The following PTP4A1 variants were observed in gnomAD, a reference collection of about 807,000 sequenced individuals.
PTP4A1 encodes the protein protein tyrosine phosphatase type IVA 1.
A neutral mutation model predicts 20.5 loss-of-function variants in PTP4A1; 9 were observed. The ratio of observed to expected loss-of-function variants is 0.44; its 90% confidence interval spans 0.26 to 0.77. The LOEUF (loss-of-function observed/expected upper bound fraction) is 0.77. PTP4A1 is among the 30% of genes least tolerant of loss of function. The pLI is 0.19. For synonymous variants in PTP4A1, 78 were observed against 67.4 expected (o/e 1.16, Z -0.77); for missense variants, 137 against 218.8 (o/e 0.63, Z 2.36).
chr6:63,545,245 G>A (rs538087692), intron 2 of PTP4A1, among the ~76,000 whole-genome samples: 5 of 152,298 alleles, frequency 3.3e-5, no homozygotes, highest in African/African-American at 1.2e-4. Flanking sequence ...AGATTTTGGT[G>A]TCCTTTTCAT....
At chr6:63,518,121 T>C (rs1302837713), upstream of PTP4A1, among the ~76,000 whole-genome samples, 4 of 130,914 alleles carry the variant, frequency 3.1e-5, no homozygotes, top group Non-Finnish European at 6.1e-5. Flanking sequence ...CATATCGCAC[T>C]CCAGCCTGGG....
chr6:63,577,853 A>AG (rs1777969405), intron 2 of PTP4A1, among the ~76,000 whole-genome samples: 2 of 149,460 alleles, frequency 1.3e-5, no homozygotes, highest in African/African-American at 4.9e-5. Context: ...TATATATTAT[A>AG]TATACACTAA....
chr6:63,528,199 C>T (rs1247491868), intron 2 of PTP4A1: 1 of 152,194 alleles, frequency 6.6e-6, no homozygotes, highest in Non-Finnish European at 1.5e-5. Context: ...CACTGAAATT[C>T]TTACTGATCT....
intron 2 of PTP4A1, among the ~76,000 whole-genome samples, chr6:63,535,227 G>T (rs1209493531): frequency 6.6e-6 from 1 of 152,120 alleles, no homozygotes; most frequent in African/African-American, 2.4e-5. Context: ...CATTTTGGGA[G>T]GCCAAGGAGG....
intron 1 of PTP4A1, among the ~76,000 whole-genome samples, chr6:63,574,312 T>C (rs573928149): frequency 2.0e-5 from 3 of 152,332 alleles, no homozygotes. Flanking sequence ...GATTACTCTT[T>C]CCTCCTCTCC....
chr6:63,531,514 T>A (rs75449630), intron 2 of PTP4A1, among the ~76,000 whole-genome samples: 2 of 144,936 alleles, frequency 1.4e-5, no homozygotes, highest in Non-Finnish European at 3.0e-5. Flanking sequence ...CTATTATGCT[T>A]TTTTTTTTTT....
intron 2 of PTP4A1, among the ~76,000 whole-genome samples, chr6:63,535,962 A>T (rs1199826360): frequency 2.6e-5 from 4 of 152,094 alleles, no homozygotes; most frequent in Non-Finnish European, 5.9e-5. Flanking sequence ...TTGTAGAGAC[A>T]GTGTTTCACT....
At chr6:63,555,591 A>C (rs1241839593) in intron 3 of PTP4A1, among the ~76,000 whole-genome samples, 1 of 152,092 alleles carries the variant, frequency 6.6e-6, no homozygotes, top group African/African-American at 2.4e-5. Flanking sequence ...ATTTTGTCTC[A>C]CTGCATGACA....
In PTP4A1 at chr6:63,526,803, G is replaced by GTATATATATATATATA. The variant is rs376671990; in HGVS notation, c.-905-998_-905-983dup. On this transcript the variant is annotated intron_variant, in intron 1 of 3. Coordinates refer to the PTP4A1 transcript ENST00000639568. ...CAGAGCAAGACTCTATCTCAAAAAT[G>GTATATATATATATATA]TATATATATATATATATATATATAT... Among the ~76,000 whole-genome samples the GTATATATATATATATA allele has an allele frequency of 4.0e-3, 402 of 101,330 alleles. 4 individuals are homozygous for GTATATATATATATATA. Among genetic ancestry groups the GTATATATATATATATA allele is most frequent in the African/African-American group, 0.012 (266 of 22,926 alleles). The allele number at this position is 101,330 out of a possible 152,430, so 66.5% of individuals were successfully genotyped here. A position where few individuals can be genotyped will look rare whatever the true frequency, so the allele number is the denominator to read the frequency against.
chr6:63,557,799 A>G (rs547347698), intron 3 of PTP4A1, among the ~76,000 whole-genome samples: 1 of 152,264 alleles, frequency 6.6e-6, no homozygotes, highest in Non-Finnish European at 1.5e-5. Flanking sequence ...AAGAGTTTGG[A>G]CTTTATCTAA....
chr6:63,546,844 C>G (rs1474005261), intron 2 of PTP4A1, among the ~76,000 whole-genome samples: 1 of 151,958 alleles, frequency 6.6e-6, no homozygotes, highest in Admixed American at 6.6e-5. Context: ...TAAATTTTCT[C>G]ATCTCAAAAA....
At chr6:63,549,234 G>A in intron 2 of PTP4A1, 1 of 734,568 alleles carries the variant, frequency 1.4e-6, no homozygotes, top group Non-Finnish European at 2.5e-6. Flanking sequence ...TAGCAGAGCA[G>A]CTGTTTGGTG....
chr6:63,570,274 T>C (rs1167499384), upstream of PTP4A1, among the ~76,000 whole-genome samples: 1 of 152,212 alleles, frequency 6.6e-6, no homozygotes, highest in African/African-American at 2.4e-5. Flanking sequence ...GAGGTTGCAG[T>C]GAGCAAAGAT....
At chr6:63,550,606 T>C (rs1439106475) in intron 3 of PTP4A1, 1 of 152,284 alleles carries the variant, frequency 6.6e-6, no homozygotes, top group Non-Finnish European at 1.5e-5. Context: ...TATAGTGATA[T>C]TTGTTTTTGG....
intron 2 of PTP4A1, among the ~76,000 whole-genome samples, chr6:63,578,180 T>A (rs1365277226): frequency 6.6e-6 from 1 of 152,198 alleles, no homozygotes. Flanking sequence ...GGCACACAAT[T>A]TAAACAAAAG....
intron 3 of PTP4A1, among the ~76,000 whole-genome samples, chr6:63,566,735 A>G (rs117948576): frequency 6.6e-6 from 1 of 152,246 alleles, no homozygotes; most frequent in East Asian, 1.9e-4. Flanking sequence ...AAATAAGACA[A>G]TGGAGTTTGC....
At position 63,553,595 on chromosome 6, in the gene PTP4A1, G is replaced by A. The variant is rs1776541489; in HGVS notation, c.-446+3102G>A. ...TTGCCTGGACATTAGCACATATTTA[G>A]ATCTTGATGTTCTAACTAATGAATG... is the stretch of plus-strand genomic sequence containing the variant. On this transcript the variant is annotated intron_variant, in intron 3 of 3. Coordinates refer to the PTP4A1 transcript ENST00000639568. Among the ~76,000 whole-genome samples the A allele has an allele frequency of 2.0e-5, 3 of 152,312 alleles. No individual in the cohort carries two copies. The Middle Eastern group carries it at 0.01, about 518-fold the overall frequency.
intron 2 of PTP4A1, among the ~76,000 whole-genome samples, chr6:63,534,452 A>AACACACACACAC (rs61533550): frequency 6.9e-6 from 1 of 144,416 alleles, no homozygotes; most frequent in South Asian, 2.2e-4. Context: ...CACACAGAGA[A>AACACACACACAC]ACACACACAC....
At chr6:63,578,843 T>C in intron 3 of PTP4A1, 55 bp from the exon 4 acceptor site, 2 of 1,385,150 alleles carry the variant, frequency 1.4e-6, no homozygotes, top group South Asian at 1.6e-5. Flanking sequence ...TTTAGAATTA[T>C]TACTACAGTG....
Sources: gnomAD v4.1 joint callset for allele counts (sites outside exome capture counted in the v4.1 genomes callset) on GRCh38, gnomAD v4.1.1 for gene constraint, MANE v1.5 for transcripts, NCBI Gene and HGNC (gene_info 2026-07-23, HGNC 2026-07-21) for gene names.